KIF6: variants seen among roughly 807,000 people sequenced by gnomAD.
KIF6 encodes kinesin-like protein KIF6.
In KIF6, 106 loss-of-function variants were observed where a neutral mutation model predicts 112.7. The observed-to-expected ratio is 0.94, with a 90% CI of 0.80 to 1.11. The LOEUF is 1.11. Among genes scored for constraint, KIF6 ranks in the 50% least tolerant of loss-of-function variants. KIF6 has a pLI of 0.00. For missense variants in KIF6, 929 were observed against 964.0 expected, an observed-to-expected ratio of 0.96 and a Z score of 0.48; for synonymous variants, 339 against 339.9, an observed-to-expected ratio of 1.00 and a Z score of 0.03.
chr6:39,427,649 GA>G (rs1770867942), intron 14 of KIF6, among the ~76,000 whole-genome samples: 1 of 152,180 alleles, frequency 6.6e-6, no homozygotes, highest in African/African-American at 2.4e-5. Context: ...TTACTGCTGG[GA>G]AAACCTCTTT....
intron 14 of KIF6, among the ~76,000 whole-genome samples, chr6:39,423,761 C>T (rs764153167): frequency 2.6e-5 from 4 of 152,198 alleles, no homozygotes; most frequent in South Asian, 2.1e-4. Flanking sequence ...TCTCCATTAG[C>T]GCCTTCCCTC....
At chr6:39,523,973 G>A (rs1196970039) in intron 13 of KIF6, among the ~76,000 whole-genome samples, 1 of 151,988 alleles carries the variant, frequency 6.6e-6, no homozygotes, top group Non-Finnish European at 1.5e-5. Flanking sequence ...CTTTAGTTAA[G>A]GATAGGTCTT....
At chr6:39,664,499 T>A (rs1464808564) in intron 3 of KIF6, among the ~76,000 whole-genome samples, 1 of 152,216 alleles carries the variant, frequency 6.6e-6, no homozygotes, top group Non-Finnish European at 1.5e-5. Context: ...TATACAGTGT[T>A]TTTCATGACA....
chr6:39,541,358 T>G (rs1778775103), intron 12 of KIF6, among the ~76,000 whole-genome samples: 1 of 152,204 alleles, frequency 6.6e-6, no homozygotes, highest in African/African-American at 2.4e-5. Context: ...ACCAAAAATG[T>G]TCACAGCTTC....
At chr6:39,476,649 A>G (rs990154684) in intron 13 of KIF6, among the ~76,000 whole-genome samples, 2 of 152,184 alleles carry the variant, frequency 1.3e-5, no homozygotes, top group Non-Finnish European at 2.9e-5. Flanking sequence ...CCACTTAACC[A>G]TACCAGCTCC....
At chr6:39,511,722 G>A (rs535396756) in intron 13 of KIF6, among the ~76,000 whole-genome samples, 174 of 152,302 alleles carry the variant, frequency 1.1e-3, no homozygotes, top group African/African-American at 4.0e-3. Flanking sequence ...ACTGAATTAA[G>A]AAAATGTGGC....
chr6:39,666,504 T>A (rs1385155734), intron 3 of KIF6, among the ~76,000 whole-genome samples: 1 of 152,224 alleles, frequency 6.6e-6, no homozygotes, highest in Non-Finnish European at 1.5e-5. Flanking sequence ...TGCTAGTTTT[T>A]ATGTTAGATT....
intron 16 of KIF6, among the ~76,000 whole-genome samples, chr6:39,371,466 C>T (rs764683749): frequency 1.8e-4 from 27 of 152,124 alleles, no homozygotes; most frequent in Non-Finnish European, 2.6e-4. Flanking sequence ...GACTTCTCTG[C>T]GGGGGTCACA....
At chr6:39,510,823 T>C (rs1776736933) in intron 13 of KIF6, among the ~76,000 whole-genome samples, 1 of 117,558 alleles carries the variant, frequency 8.5e-6, no homozygotes. Context: ...AAGACACACA[T>C]AGGCTCAAAA....
At chr6:39,599,991 A>C (rs1031139693) in intron 6 of KIF6, among the ~76,000 whole-genome samples, 4 of 152,184 alleles carry the variant, frequency 2.6e-5, no homozygotes, top group African/African-American at 4.8e-5. Flanking sequence ...TTTCTGCATG[A>C]AGTAGCAGTT....
intron 13 of KIF6, among the ~76,000 whole-genome samples, chr6:39,444,554 G>C (rs1772182835): frequency 6.6e-6 from 1 of 152,086 alleles, no homozygotes; most frequent in African/African-American, 2.4e-5. Context: ...ATCTCTTTTA[G>C]CAAATATCAT....
intron 13 of KIF6, among the ~76,000 whole-genome samples, chr6:39,518,320 T>C (rs1299077107): frequency 1.3e-5 from 2 of 152,172 alleles, no homozygotes; most frequent in Admixed American, 1.3e-4. Flanking sequence ...TGAAAGTATG[T>C]ACACACACAT....
intron 13 of KIF6, among the ~76,000 whole-genome samples, chr6:39,449,088 T>C (rs536080832): frequency 6.6e-6 from 1 of 152,352 alleles, no homozygotes; most frequent in South Asian, 2.1e-4. Flanking sequence ...CTTTGTCTCT[T>C]TTTTAGCCTA....
intron 17 of KIF6, among the ~76,000 whole-genome samples, chr6:39,361,945 G>A (rs1240653090): frequency 6.6e-6 from 1 of 152,200 alleles, no homozygotes; most frequent in Non-Finnish European, 1.5e-5. Flanking sequence ...ATGCATCAAT[G>A]AATGAGTGGA....
At chr6:39,458,071 A>G (rs1230793976) in intron 13 of KIF6, among the ~76,000 whole-genome samples, 5 of 151,938 alleles carry the variant, frequency 3.3e-5, no homozygotes, top group African/African-American at 1.2e-4. Flanking sequence ...ACAACCAAAA[A>G]AGAGAATCTT....
chr6:39,446,257 G>C (rs954853369), intron 13 of KIF6, among the ~76,000 whole-genome samples: 1 of 152,096 alleles, frequency 6.6e-6, no homozygotes, highest in Non-Finnish European at 1.5e-5. Flanking sequence ...GTTAGGAGTG[G>C]GCAGTACCTT....
chr6:39,694,932 C>G (rs1232537371), intron 3 of KIF6, among the ~76,000 whole-genome samples: 1 of 152,042 alleles, frequency 6.6e-6, no homozygotes, highest in Non-Finnish European at 1.5e-5. Flanking sequence ...TACAAGGCTA[C>G]AGTAATCAAA....
chr6:39,483,549 T>G (rs141490407), intron 13 of KIF6, among the ~76,000 whole-genome samples: 214 of 152,340 alleles, frequency 1.4e-3, no homozygotes, highest in African/African-American at 4.9e-3. Flanking sequence ...TTTAAAAGGC[T>G]GTCCCTCGCT....
At chr6:39,696,923 C>T (rs1048619721) in intron 3 of KIF6, among the ~76,000 whole-genome samples, 4 of 151,070 alleles carry the variant, frequency 2.6e-5, no homozygotes, top group African/African-American at 7.4e-5. Context: ...CATGGTTAGA[C>T]AGATGGCAGA....
Sources: gnomAD v4.1 joint callset for allele counts (sites outside exome capture counted in the v4.1 genomes callset) on GRCh38, gnomAD v4.1.1 for gene constraint, MANE v1.5 for transcripts, NCBI Gene and HGNC (gene_info 2026-07-23, HGNC 2026-07-21) for gene names.